The following RYR3 variants were observed in gnomAD, a reference collection of about 807,000 sequenced individuals.
RYR3 encodes the protein ryanodine receptor 3.
Under a neutral mutation model 584.3 loss-of-function variants are expected in RYR3, and 207 were observed. The observed-to-expected ratio is 0.35, with a 90% CI of 0.32 to 0.40. The LOEUF (loss-of-function observed/expected upper bound fraction) is 0.40. Among genes scored for constraint, RYR3 ranks in the 10% least tolerant of loss-of-function variants. The pLI is 1.00. For missense variants in RYR3, 5,616 were observed against 6,089.2 expected (o/e 0.92, Z 2.59); for synonymous variants, 2,416 against 2,248.5 (o/e 1.07, Z -2.11).
intron 27 of RYR3, among the ~76,000 whole-genome samples, chr15:33,637,774 A>C (rs1285078091): frequency 6.6e-6 from 1 of 152,204 alleles, no homozygotes; most frequent in Non-Finnish European, 1.5e-5. Context: ...TAAAGTATGC[A>C]TATTCAACTG....
intron 67 of RYR3, 101 bp downstream of exon 67, chr15:33,788,559 A>G (rs1326335893): frequency 7.3e-6 from 10 of 1,370,614 alleles, no homozygotes; most frequent in South Asian, 1.4e-5. Context: ...ACAGTGAGAT[A>G]AAGGAGGCGA....
At chr15:33,800,630 C>T (rs979646523) in intron 67 of RYR3, 140 bp from the exon 68 acceptor site, 8 of 609,806 alleles carry the variant, frequency 1.3e-5, no homozygotes, top group Non-Finnish European at 2.1e-5. Flanking sequence ...GCTATTTAGT[C>T]TCCCTGATTA....
intron 74 of RYR3, chr15:33,816,037 A>G (rs985876379): frequency 2.5e-6 from 1 of 394,452 alleles, no homozygotes; most frequent in Admixed American, 4.4e-5. Flanking sequence ...AATTTTTAGG[A>G]AGAATTCTGA....
At chr15:33,718,287 C>G (rs142625012) in intron 43 of RYR3, among the ~76,000 whole-genome samples, 94 of 152,298 alleles carry the variant, frequency 6.2e-4, no homozygotes, top group African/African-American at 2.1e-3. Flanking sequence ...AATGGGTAGC[C>G]ACCTTTGGTT....
At chr15:33,474,378 G>A (rs770701233) in intron 2 of RYR3, among the ~76,000 whole-genome samples, 6 of 152,188 alleles carry the variant, frequency 3.9e-5, no homozygotes, top group African/African-American at 7.2e-5. Context: ...ACTGAAATCT[G>A]TAGTTAGTAT....
chr15:33,653,502 C>G (rs1040894575), intron 32 of RYR3, among the ~76,000 whole-genome samples: 3 of 152,022 alleles, frequency 2.0e-5, no homozygotes, highest in Non-Finnish European at 4.4e-5. Context: ...AAACCTGTCT[C>G]TATTAAAAAT....
intron 19 of RYR3, among the ~76,000 whole-genome samples, chr15:33,618,267 A>G (rs16973326): frequency 0.014 from 2,103 of 152,226 alleles, 46 homozygotes; most frequent in African/African-American, 0.045. Context: ...CTCTTTTGCC[A>G]GCTCTAATTT....
chr15:33,725,976 C>CCCCCCCCCAAAA (rs1555427643), intron 45 of RYR3, among the ~76,000 whole-genome samples: 1 of 31,514 alleles, frequency 3.2e-5, no homozygotes, highest in African/African-American at 1.1e-4. Flanking sequence ...TCCCCCCCCC[C>CCCCCCCCCAAAA]AAAAAAAAAA....
intron 1 of RYR3, among the ~76,000 whole-genome samples, chr15:33,364,814 G>A (rs1975256731): frequency 1.3e-5 from 2 of 152,170 alleles, no homozygotes; most frequent in African/African-American, 4.8e-5. Context: ...ATTTGGGCAA[G>A]GCAGGCTTCA....
At chr15:33,610,572 T>C (rs2060131878) in intron 18 of RYR3, among the ~76,000 whole-genome samples, 1 of 152,198 alleles carries the variant, frequency 6.6e-6, no homozygotes, top group Middle Eastern at 3.2e-3. Context: ...TAGAGGGAGC[T>C]ACCTAATCTT....
chr15:33,387,656 A>C (rs1290018279), intron 1 of RYR3, among the ~76,000 whole-genome samples: 1 of 75,990 alleles, frequency 1.3e-5, no homozygotes, highest in Non-Finnish European at 3.1e-5. Flanking sequence ...AGGAAAAATG[A>C]CCTCACAAAA....
At chr15:33,545,692 A>G (rs1165019416) in intron 8 of RYR3, among the ~76,000 whole-genome samples, 3 of 152,096 alleles carry the variant, frequency 2.0e-5, no homozygotes, top group Non-Finnish European at 4.4e-5. Flanking sequence ...TTTGTCTTCT[A>G]TTGTCAGGTA....
intron 1 of RYR3, among the ~76,000 whole-genome samples, chr15:33,421,678 GC>G (rs1051923790): frequency 1.3e-5 from 2 of 152,050 alleles, no homozygotes; most frequent in Non-Finnish European, 2.9e-5. Flanking sequence ...TGCTGATGAG[GC>G]CCTAATTCAT....
intron 1 of RYR3, among the ~76,000 whole-genome samples, chr15:33,340,675 A>G (rs540035560): frequency 6.6e-6 from 1 of 152,262 alleles, no homozygotes; most frequent in East Asian, 1.9e-4. Flanking sequence ...TTACAGGGAC[A>G]CTAGTCCTAT....
intron 44 of RYR3, 119 bp downstream of exon 44, chr15:33,723,014 A>T (rs2068065795): frequency 1.1e-6 from 1 of 899,636 alleles, no homozygotes; most frequent in African/African-American, 1.7e-5. Flanking sequence ...GTTACAGCTA[A>T]AACATTGACC....
intron 38 of RYR3, among the ~76,000 whole-genome samples, chr15:33,684,783 T>TG (rs763478354): frequency 1.1e-4 from 16 of 152,216 alleles, no homozygotes; most frequent in Admixed American, 2.0e-4. Context: ...CAGAAGAGGG[T>TG]GGGGGCCAAT....
At chr15:33,457,045 T>C (rs1464731363) in intron 1 of RYR3, among the ~76,000 whole-genome samples, 4 of 152,200 alleles carry the variant, frequency 2.6e-5, no homozygotes, top group Middle Eastern at 3.2e-3. Context: ...TTGGAATACA[T>C]GTAAATGTAT....
chr15:33,638,597 G>T (rs2061628668), intron 27 of RYR3, among the ~76,000 whole-genome samples: 1 of 152,172 alleles, frequency 6.6e-6, no homozygotes. Flanking sequence ...CCCCACCCCA[G>T]ACCAGAATCA....
At chr15:33,317,127 C>T (rs1183618831) in intron 1 of RYR3, among the ~76,000 whole-genome samples, 1 of 152,216 alleles carries the variant, frequency 6.6e-6, no homozygotes, top group Non-Finnish European at 1.5e-5. Flanking sequence ...ATAGGACCGC[C>T]TTTTCTTATT....
Sources: allele counts gnomAD v4.1 joint callset (sites outside exome capture counted in the v4.1 genomes callset), GRCh38; gene constraint gnomAD v4.1.1; transcripts MANE v1.5; gene names NCBI Gene and HGNC (gene_info 2026-07-23, HGNC 2026-07-21).